MAGOHB: variants seen among roughly 807,000 people sequenced by gnomAD.
MAGOHB encodes mago homolog B, exon junction complex subunit.
A neutral mutation model predicts 20.9 loss-of-function variants in MAGOHB; 15 were observed. That is an observed-to-expected ratio of 0.72 (90% confidence interval 0.48 to 1.11). The LOEUF (loss-of-function observed/expected upper bound fraction) is 1.11, where lower values mean the gene tolerates loss of function less well. MAGOHB is among the 50% of genes least tolerant of loss of function. The pLI, the probability that MAGOHB is intolerant of heterozygous loss-of-function variation, is 0.00. For missense variants in MAGOHB, 162 were observed against 177.6 expected, an observed-to-expected ratio of 0.91 and a Z score of 0.50; for synonymous variants, 50 against 57.9, an observed-to-expected ratio of 0.86 and a Z score of 0.62.
chr12:10,607,046 CA>C (rs1487474745), intron 4 of MAGOHB, among the ~76,000 whole-genome samples: 1 of 152,136 alleles, frequency 6.6e-6, no homozygotes, highest in Non-Finnish European at 1.5e-5. Flanking sequence ...GTATCAATGC[CA>C]CACCCTTACC....
intron 1 of MAGOHB, among the ~76,000 whole-genome samples, chr12:10,611,747 CAAAAA>C (rs1042294332): frequency 2.2e-4 from 6 of 27,684 alleles, no homozygotes; most frequent in East Asian, 1.6e-3. Context: ...GACTCTGTCT[CAAAAA>C]AAAAAAAAAA....
rs1865593646 is a variant in MAGOHB, at chr12:10,604,693, AATC to A, written c.*1579_*1581del. On this transcript the variant is annotated 3_prime_UTR_variant, in exon 5 of 5. Coordinates refer to ENST00000320756, the MANE Select transcript of MAGOHB (RefSeq NM_018048.5). The stretch of plus-strand genomic sequence containing the variant: ...ATTACAATACGATTTCATACTGCAC[AATC>A]ATCAAGGTCTACAACTGGAACAGAA... 6.6e-6 allele frequency: 1 copy of A among 152,208 alleles called. No individual in the cohort carries two copies. Among genetic ancestry groups the A allele is most frequent in the Admixed American group, 6.5e-5 (1 of 15,276 alleles). 9.4% of individuals were successfully genotyped at this position (152,208 alleles called of 1,614,324 possible).
chr12:10,601,219 G>A (rs1432073074), downstream of MAGOHB, among the ~76,000 whole-genome samples: 1 of 152,116 alleles, frequency 6.6e-6, no homozygotes, highest in Non-Finnish European at 1.5e-5. Context: ...AAAGGTGACA[G>A]AGATACTGTC....
At chr12:10,603,171 AGGCGTGGT>A (rs1565548198), downstream of MAGOHB, among the ~76,000 whole-genome samples, 1 of 152,024 alleles carries the variant, frequency 6.6e-6, no homozygotes, top group Non-Finnish European at 1.5e-5. Flanking sequence ...AAAATTAGCC[AGGCGTGGT>A]GGCGGGCGCC....
intron 3 of MAGOHB, chr12:10,609,288 G>A: frequency 5.4e-6 from 2 of 371,956 alleles, no homozygotes; most frequent in Non-Finnish European, 1.1e-5. Context: ...ATTTCTCCAA[G>A]AGTTGAAAAG....
In MAGOHB at chr12:10,604,641, C is replaced by T. The variant is rs2120496947; in HGVS notation, c.*1634G>A. Reference sequence around the variant, plus strand: ...GTTCAAAAGACGATTGTTCCTGTTTCTGAGGTTGACATCTAAATGCAAGAA... The same window carrying T: ...GTTCAAAAGACGATTGTTCCTGTTTTTGAGGTTGACATCTAAATGCAAGAA... On this transcript the variant is annotated 3_prime_UTR_variant, in exon 5 of 5. Transcript: ENST00000320756. 1 of 152,342 alleles carries T rather than the reference C, an allele frequency of 6.6e-6. No individual in the cohort carries two copies. Among genetic ancestry groups the T allele is most frequent in the Non-Finnish European group, 1.5e-5 (1 of 68,034 alleles). 9.4% of individuals were successfully genotyped at this position (152,342 alleles called of 1,614,324 possible). A position where few individuals can be genotyped will look rare whatever the true frequency, so the allele number is the denominator to read the frequency against.
intron 3 of MAGOHB, chr12:10,608,200 T>A (rs1009972224): frequency 2.9e-4 from 78 of 267,676 alleles, no homozygotes; most frequent in Non-Finnish European, 4.5e-4. Flanking sequence ...TGAAACAAAA[T>A]GACAAAGAAA....
At chr12:10,608,682 A>G (rs1865673209) in intron 3 of MAGOHB, 1 of 151,294 alleles carries the variant, frequency 6.6e-6, no homozygotes, top group East Asian at 2.0e-4. Flanking sequence ...TATATTGTTT[A>G]TCTGCAGGCC....
chr12:10,609,766 C>T (rs908301724), intron 3 of MAGOHB, 65 bp downstream of exon 3: 45 of 1,014,106 alleles, frequency 4.4e-5, no homozygotes, highest in South Asian at 1.0e-4. Context: ...AAATAAATAA[C>T]GGGAAACAAA....
At position 10,605,157 on chromosome 12, in the gene MAGOHB, T is replaced by C. The variant is rs2120500447; in HGVS notation, c.*1118A>G. 1 of 152,330 alleles carries C rather than the reference T, an allele frequency of 6.6e-6. No individual in the cohort carries two copies. Among genetic ancestry groups the C allele is most frequent in the African/African-American group, 2.4e-5 (1 of 41,576 alleles). 9.4% of individuals were successfully genotyped at this position (152,330 alleles called of 1,614,324 possible). ...GAAAAAAATTGTTTAAATAGCACCA[T>C]AAATTCAGTTATACAAGGCACACCT... is the stretch of plus-strand genomic sequence containing the variant. On this transcript the variant is annotated 3_prime_UTR_variant, in exon 5 of 5. Transcript: ENST00000320756.
downstream of MAGOHB, among the ~76,000 whole-genome samples, chr12:10,600,363 A>C (rs1865542759): frequency 1.3e-5 from 2 of 151,982 alleles, no homozygotes; most frequent in African/African-American, 4.8e-5. Flanking sequence ...AATTGTTTTC[A>C]ATTTTTTCTA....
rs761636486 is a variant in MAGOHB, at chr12:10,613,582, G to C, written c.-50C>G. On this transcript the variant is annotated 5_prime_UTR_variant, in exon 1 of 5. Transcript: ENST00000320756. ...AAACGCAGCCAACGTGTCCCCCGGCGCCTTGCAGTGACGTCATCGCGCGGA... is the reference window on the plus strand; with the variant it reads ...AAACGCAGCCAACGTGTCCCCCGGCCCCTTGCAGTGACGTCATCGCGCGGA... The C allele has an allele frequency of 1.2e-5, 15 of 1,253,208 alleles. No homozygotes were observed. Among genetic ancestry groups the C allele is most frequent in the Non-Finnish European group, 1.8e-5 (15 of 850,552 alleles). 77.6% of individuals were successfully genotyped at this position (1,253,208 alleles called of 1,614,324 possible).
rs1221830970 is a variant in MAGOHB at position 10,604,728 on chromosome 12, T to C, written c.*1547A>G. The C allele has an allele frequency of 6.6e-6, 1 of 152,222 alleles. No homozygotes were observed. The highest frequency in any genetic ancestry group is 1.9e-4 in the East Asian group (1 of 5,190). The allele number at this position is 152,222 out of a possible 1,614,324, so 9.4% of individuals were successfully genotyped here. ...GTCTACAACTGGAACAGAAACATTT[T>C]ACATACAAAAGACCTGAAGATGATA... On this transcript the variant is annotated 3_prime_UTR_variant, in exon 5 of 5. Transcript: ENST00000320756.
At chr12:10,608,857 G>C (rs1865675794) in intron 3 of MAGOHB, 1 of 152,106 alleles carries the variant, frequency 6.6e-6, no homozygotes, top group Non-Finnish European at 1.5e-5. Context: ...TAAAACCTTT[G>C]ACTTGATACA....
At chr12:10,609,470 G>A (rs7311796) in intron 3 of MAGOHB, 303,102 of 378,078 alleles carry the variant, frequency 0.8, 122,250 homozygotes, top group East Asian at 0.99. Context: ...AGGGATGCAA[G>A]TAAGAATTTT....
At chr12:10,606,855 A>C (rs1347718579) in intron 4 of MAGOHB, among the ~76,000 whole-genome samples, 1 of 152,072 alleles carries the variant, frequency 6.6e-6, no homozygotes, top group African/African-American at 2.4e-5. Flanking sequence ...ATTATAAATA[A>C]TACTTCAATG....
intron 1 of MAGOHB, among the ~76,000 whole-genome samples, chr12:10,613,139 G>A (rs1224862145): frequency 6.6e-6 from 1 of 152,062 alleles, no homozygotes. Flanking sequence ...CGCTGGTGGG[G>A]GTGTTTTCAA....
intron 2 of MAGOHB, 46 bp downstream of exon 2, chr12:10,610,576 G>GCAAAAAAAAAAAAAAAAAAAAAAAAA (rs1865710958): frequency 2.0e-6 from 1 of 512,332 alleles, no homozygotes. Flanking sequence ...TGGGCTAAAT[G>GCAAAAAAAAAAAAAAAAAAAAAAAAA]CAAAAAAAAA....
Position 10,610,651 on chromosome 12 carries a change from A to G in MAGOHB, c.124T>C (p.Tyr42His), listed in dbSNP as rs1295803393. Reference protein sequence around the residue: ...GKLRYANNSNYKNDVMIRKEA... With the variant: ...GKLRYANNSNHKNDVMIRKEA... Reference sequence around the variant, plus strand: ...TTTCTGATCATGACATCATTTTTGTAATTGCTGTTGTTGGCATATCTAAGC... The same window carrying G: ...TTTCTGATCATGACATCATTTTTGTGATTGCTGTTGTTGGCATATCTAAGC... The change falls in exon 2 of 5, where the codon TAC becomes CAC. Residue 42 changes from tyrosine (Y) to histidine (H), a missense_variant. Transcript: ENST00000320756. 1 of 1,577,578 alleles carries G rather than the reference A, an allele frequency of 6.3e-7. No individual in the cohort carries two copies. Among genetic ancestry groups the G allele is most frequent in the South Asian group, 1.2e-5 (1 of 84,028 alleles).
Sources: allele counts gnomAD v4.1 joint callset (sites outside exome capture counted in the v4.1 genomes callset), GRCh38; gene constraint gnomAD v4.1.1; transcripts MANE v1.5; gene names NCBI Gene and HGNC (gene_info 2026-07-23, HGNC 2026-07-21).